Variants in ANK1 observed in about 807,000 individuals in gnomAD.
ANK1 encodes the protein ankyrin-1.
A neutral mutation model predicts 210.4 loss-of-function variants in ANK1; 51 were observed. The observed-to-expected ratio is 0.24, with a 90% CI of 0.19 to 0.31. The LOEUF (loss-of-function observed/expected upper bound fraction) is 0.31. ANK1 is among the 10% of genes least tolerant of loss of function. The probability of loss-of-function intolerance (pLI) is 1.00; values close to 1 mark genes in which losing one functional copy is unlikely to be tolerated. For missense variants in ANK1, 2,051 were observed against 2,504.4 expected (o/e 0.82, Z 3.86); for synonymous variants, 967 against 1,025.9 (o/e 0.94, Z 1.10).
At chr8:41,884,062 C>T (rs1354114526) in intron 1 of ANK1, among the ~76,000 whole-genome samples, 1 of 152,166 alleles carries the variant, frequency 6.6e-6, no homozygotes, top group East Asian at 1.9e-4. Flanking sequence ...ACTAAAGGTG[C>T]CACTACGGCT....
chr8:41,733,219 G>A (rs1832649198), intron 3 of ANK1, among the ~76,000 whole-genome samples: 1 of 152,190 alleles, frequency 6.6e-6, no homozygotes, highest in Admixed American at 6.5e-5. Flanking sequence ...TACTGTGGAT[G>A]CCTGGCGTCG....
intron 1 of ANK1, among the ~76,000 whole-genome samples, chr8:41,851,474 C>T (rs1381982096): frequency 6.6e-6 from 1 of 152,262 alleles, no homozygotes; most frequent in Non-Finnish European, 1.5e-5. Context: ...GTGTTGACTG[C>T]TTCCTGCCCT....
chr8:41,845,571 G>A lies in ANK1; in HGVS notation c.126+50784C>T, dbSNP rs570257197. Among the ~76,000 whole-genome samples, 8 of 152,044 alleles carry A rather than the reference G, an allele frequency of 5.3e-5. No individual in the cohort carries two copies. The South Asian group carries it at 1.7e-3, about 32-fold the overall frequency. ...CGTGCCTTTGGGGAGAAGAGTCTGGGGCTTGGGGGGGTCTGGATCATGAAA... is the reference window on the plus strand; with the variant it reads ...CGTGCCTTTGGGGAGAAGAGTCTGGAGCTTGGGGGGGTCTGGATCATGAAA... On this transcript the variant is annotated intron_variant, in intron 1 of 42. Coordinates refer to the ANK1 transcript ENST00000265709.
At chr8:41,827,887 C>T (rs1015696003) in intron 1 of ANK1, among the ~76,000 whole-genome samples, 1 of 151,798 alleles carries the variant, frequency 6.6e-6, no homozygotes, top group African/African-American at 2.4e-5. Flanking sequence ...CACATGCTCA[C>T]GCCCACACAT....
Position 41,668,536 on chromosome 8 carries a change from T to C in ANK1, c.5125A>G (p.Ile1709Val). The change falls in exon 39 of 43, where the codon ATT (isoleucine) becomes GTT (valine). Residue 1709 changes from isoleucine (I) to valine (V), a missense_variant. This residue lies in a region of ANK1 where 496 missense variants were observed against 533.4 expected (regional missense o/e 0.93). Transcript: ENST00000289734. ...GCAGCATCTTGCAGGTATGAGACAA[T>C]CGAGCCGTCTGCATCCCAGTCCTGC... ...RLQDWDADGS[I>V]VSYLQDAAQG... 2.5e-6 allele frequency: 4 copies of C among 1,613,848 alleles called. No homozygotes were observed. The highest frequency in any genetic ancestry group is 3.4e-6 in the Non-Finnish European group (4 of 1,179,788).
chr8:41,876,890 C>T (rs1816717256), intron 1 of ANK1, among the ~76,000 whole-genome samples: 1 of 152,124 alleles, frequency 6.6e-6, no homozygotes, highest in African/African-American at 2.4e-5. Flanking sequence ...TTAATAAAGG[C>T]CATTTGATCA....
chr8:41,894,652 A>G (rs1375301192), intron 1 of ANK1, among the ~76,000 whole-genome samples: 1 of 152,144 alleles, frequency 6.6e-6, no homozygotes, highest in East Asian at 1.9e-4. Context: ...GAGAACACTG[A>G]GTGAGCAGCT....
chr8:41,867,917 C>T lies in ANK1; in HGVS notation c.126+28438G>A, dbSNP rs112277753. On this transcript the variant is annotated intron_variant, in intron 1 of 42. Transcript: ENST00000265709. ...CTCTGTCGTCCAGGCTGGAGTACAGCGGTGCAATCTCAGCTCACTGCAACC... is the reference window on the plus strand; with the variant it reads ...CTCTGTCGTCCAGGCTGGAGTACAGTGGTGCAATCTCAGCTCACTGCAACC... 3.4e-3 allele frequency among the ~76,000 whole-genome samples: 511 copies of T among 152,276 alleles called. 2 individuals are homozygous for T. The highest frequency in any genetic ancestry group is 0.012 in the African/African-American group (491 of 41,566).
chr8:41,680,876 G>A (rs777058603), intron 37 of ANK1, among the ~76,000 whole-genome samples: 16 of 152,242 alleles, frequency 1.1e-4, no homozygotes, highest in Non-Finnish European at 1.8e-4. Context: ...CCCCCAGGGT[G>A]AGTTCCAGAA....
chr8:41,896,384 T>G, exon 1 of ANK1: 2 of 1,601,988 alleles, frequency 1.2e-6, no homozygotes, highest in Non-Finnish European at 1.7e-6. Context: ...GAGCGGTTTC[T>G]CCGCTTCCTG....
At chr8:41,831,570 C>T (rs181355320) in intron 1 of ANK1, among the ~76,000 whole-genome samples, 26 of 149,474 alleles carry the variant, frequency 1.7e-4, no homozygotes, top group Non-Finnish European at 4.4e-5. Context: ...ATTGCTTGAA[C>T]CCAGGAATTG....
chr8:41,798,750 C>T (rs759520210), upstream of ANK1, among the ~76,000 whole-genome samples: 1 of 152,140 alleles, frequency 6.6e-6, no homozygotes, highest in Non-Finnish European at 1.5e-5. Flanking sequence ...CCATGGTTTC[C>T]TCTAGGGGTG....
intron 1 of ANK1, among the ~76,000 whole-genome samples, chr8:41,776,922 AAGAGCAGGTGTCACACATAATAC>A (rs1844176180): frequency 6.6e-6 from 1 of 152,242 alleles, no homozygotes; most frequent in Non-Finnish European, 1.5e-5. Context: ...CCAAGGAAAC[AAGAGCAGGTGTCACACATAATAC>A]TTCACACAGG....
At chr8:41,876,081 T>G (rs1816523840) in intron 1 of ANK1, among the ~76,000 whole-genome samples, 1 of 151,952 alleles carries the variant, frequency 6.6e-6, no homozygotes, top group Admixed American at 6.6e-5. Context: ...TCCCCTCGCC[T>G]CACGCCTCCT....
At chr8:41,747,185 G>C (rs1201346168) in intron 2 of ANK1, among the ~76,000 whole-genome samples, 2 of 152,202 alleles carry the variant, frequency 1.3e-5, no homozygotes, top group Non-Finnish European at 2.9e-5. Context: ...GCCAAGGCTT[G>C]TCAAAACGGA....
At chr8:41,666,964 G>A (rs576197991) in intron 39 of ANK1, among the ~76,000 whole-genome samples, 1 of 152,298 alleles carries the variant, frequency 6.6e-6, no homozygotes, top group South Asian at 2.1e-4. Context: ...GGCCCTTCCA[G>A]TTCCCCTCAC....
At chr8:41,871,056 G>A (rs577832508) in intron 1 of ANK1, among the ~76,000 whole-genome samples, 1 of 152,286 alleles carries the variant, frequency 6.6e-6, no homozygotes, top group East Asian at 1.9e-4. Context: ...CATGGAGCAT[G>A]TCTATCTGCC....
At chr8:41,763,612 C>T (rs1158900845) in intron 1 of ANK1, among the ~76,000 whole-genome samples, 7 of 152,118 alleles carry the variant, frequency 4.6e-5, no homozygotes, top group Non-Finnish European at 8.8e-5. Context: ...GACAGGCTGG[C>T]GGCTGGGCAG....
In ANK1 at chr8:41,655,646, C is replaced by A; in HGVS notation, c.*144G>T. On this transcript the variant is annotated 3_prime_UTR_variant, in exon 43 of 43. Coordinates refer to ENST00000289734, the MANE Select transcript of ANK1 (RefSeq NM_000037.4). ...GAGTCCCTTACAGAGGTCATGCCGT[C>A]AGCCCAGAGGAATGTGTGCACCGCT... is the stretch of plus-strand genomic sequence containing the variant. The A allele has an allele frequency of 6.5e-7, 1 of 1,537,074 alleles. No individual in the cohort carries two copies. The highest frequency in any genetic ancestry group is 1.1e-5 in the South Asian group (1 of 89,164).
Sources: allele counts gnomAD v4.1 joint callset (sites outside exome capture counted in the v4.1 genomes callset), GRCh38; gene constraint gnomAD v4.1.1; regional missense constraint gnomAD v4.1.1; transcripts MANE v1.5; gene names NCBI Gene and HGNC (gene_info 2026-07-23, HGNC 2026-07-21).